Variants in ADGRG6 observed in about 807,000 individuals in gnomAD.
ADGRG6 encodes adhesion G protein-coupled receptor G6.
A neutral mutation model predicts 142.4 loss-of-function variants in ADGRG6; 84 were observed. The observed-to-expected ratio is 0.59, with a 90% CI of 0.49 to 0.71. The LOEUF is 0.71. Among genes scored for constraint, ADGRG6 ranks in the 30% least tolerant of loss-of-function variants. The pLI, the probability that ADGRG6 is intolerant of heterozygous loss-of-function variation, is 0.00. For synonymous variants in ADGRG6, 521 were observed against 520.5 expected, an observed-to-expected ratio of 1.00 and a Z score of -0.01; for missense variants, 1,367 against 1,466.6, an observed-to-expected ratio of 0.93 and a Z score of 1.11.
intron 24 of ADGRG6, 74 bp downstream of exon 24, chr6:142,438,438 GA>G (rs1461990412): frequency 1.0e-6 from 1 of 1,000,100 alleles, no homozygotes; most frequent in East Asian, 2.6e-5. Context: ...CATGAAGATT[GA>G]TAAATCACAG....
At position 142,409,931 on chromosome 6, in the gene ADGRG6, A is replaced by G; in HGVS notation, c.2434+12A>G. ...TCTGAACAAAAACAGTAAGTTTTAA[A>G]ATATTGGTTGTCTTAATATAGATAA... On this transcript the variant is annotated intron_variant, in intron 17 of 24. Transcript: ENST00000367609. The G allele has an allele frequency of 2.2e-6, 3 of 1,342,266 alleles. No individual in the cohort carries two copies. Among genetic ancestry groups the G allele is most frequent in the Non-Finnish European group, 2.1e-6 (2 of 953,490 alleles). 83.1% of individuals were successfully genotyped at this position (1,342,266 alleles called of 1,614,324 possible).
chr6:142,312,799 C>G (rs1361873778), intron 2 of ADGRG6, among the ~76,000 whole-genome samples: 1 of 152,080 alleles, frequency 6.6e-6, no homozygotes, highest in East Asian at 1.9e-4. Flanking sequence ...AGACGTTGTT[C>G]ACTGAAAGGG....
At chr6:142,426,283 A>G (rs774692381) in intron 22 of ADGRG6, among the ~76,000 whole-genome samples, 4 of 152,204 alleles carry the variant, frequency 2.6e-5, no homozygotes, top group East Asian at 1.9e-4. Context: ...GGGTACAGGC[A>G]TTGAGTAAAT....
intron 17 of ADGRG6, among the ~76,000 whole-genome samples, chr6:142,410,433 A>T (rs1776021501): frequency 6.6e-6 from 1 of 152,242 alleles, no homozygotes; most frequent in South Asian, 2.1e-4. Flanking sequence ...ATTAGATTTG[A>T]CAATCAAGAA....
chr6:142,386,845 C>T (rs1782053566), intron 6 of ADGRG6, among the ~76,000 whole-genome samples: 1 of 152,090 alleles, frequency 6.6e-6, no homozygotes. Context: ...AGGGCACACT[C>T]ACACACACCC....
At chr6:142,438,935 C>T (rs1261337506) in intron 24 of ADGRG6, among the ~76,000 whole-genome samples, 1 of 152,122 alleles carries the variant, frequency 6.6e-6, no homozygotes, top group Non-Finnish European at 1.5e-5. Context: ...TTTACAATTG[C>T]TGCACATTCT....
chr6:142,383,738 T>C, intron 5 of ADGRG6, 22 bp from the exon 6 acceptor site: 1 of 1,233,494 alleles, frequency 8.1e-7, no homozygotes, highest in Non-Finnish European at 1.2e-6. Flanking sequence ...CAAAATTACA[T>C]CTTTCTCATC....
intron 2 of ADGRG6, among the ~76,000 whole-genome samples, chr6:142,318,825 G>T (rs1056885855): frequency 1.4e-4 from 21 of 152,016 alleles, no homozygotes; most frequent in Non-Finnish European, 2.4e-4. Flanking sequence ...GCAGAAGAAG[G>T]TAGGGAATGA....
At chr6:142,326,155 A>G (rs530854685) in intron 2 of ADGRG6, among the ~76,000 whole-genome samples, 2 of 152,214 alleles carry the variant, frequency 1.3e-5, no homozygotes, top group South Asian at 2.1e-4. Context: ...GAGAGAGTTA[A>G]TAATAGTTTT....
At position 142,367,607 on chromosome 6, in the gene ADGRG6, C is replaced by G; in HGVS notation, c.142C>G (p.Pro48Ala). The G allele has an allele frequency of 6.2e-7, 1 of 1,613,720 alleles. No individual in the cohort carries two copies. The highest frequency in any genetic ancestry group is 8.5e-7 in the Non-Finnish European group (1 of 1,179,802). ...CAACTGCCGAGTGGTTTTGTCCAACCCTTCTGGGACCTTTACTTCTCCATG... is the reference window on the plus strand; with the variant it reads ...CAACTGCCGAGTGGTTTTGTCCAACGCTTCTGGGACCTTTACTTCTCCATG... ...CANCRVVLSNPSGTFTSPCYP... is the reference protein window; with the variant it reads ...CANCRVVLSNASGTFTSPCYP... Residue 48 changes from proline (P) to alanine (A), a missense_variant, in exon 3 of 25, where the codon CCT (proline) becomes GCT (alanine). Coordinates refer to ENST00000367609, the MANE Select transcript of ADGRG6 (RefSeq NM_198569.3).
chr6:142,379,430 T>C (rs188279560), intron 4 of ADGRG6, among the ~76,000 whole-genome samples: 32 of 152,332 alleles, frequency 2.1e-4, no homozygotes, highest in African/African-American at 7.5e-4. Context: ...AAATGAAATA[T>C]AGTTTACTTG....
rs575631097 is a variant in ADGRG6 at position 142,341,583 on chromosome 6, TATA to T, written c.104-25982_104-25980del. Among the ~76,000 whole-genome samples, 928 of 124,468 alleles carry T rather than the reference TATA, an allele frequency of 7.5e-3. 9 individuals carry two copies. The highest frequency in any genetic ancestry group is 0.026 in the African/African-American group (830 of 32,352). 81.7% of individuals were successfully genotyped at this position (124,468 alleles called of 152,430 possible). On this transcript the variant is annotated intron_variant, in intron 2 of 24. Coordinates refer to ENST00000367609, the MANE Select transcript of ADGRG6 (RefSeq NM_198569.3). ...ATACTATATAATATTATGTAGTATA[TATA>T]ATATTATATATTATATATACTATAT...
At position 142,403,921 on chromosome 6, in the gene ADGRG6, C is replaced by T. The variant is rs776426124; in HGVS notation, c.2075C>T (p.Ala692Val). 1.6e-5 allele frequency: 25 copies of T among 1,610,220 alleles called. No individual in the cohort carries two copies. The highest frequency in any genetic ancestry group is 2.2e-5 in the South Asian group (2 of 90,824). Residue 692 changes from alanine to valine, a missense_variant, in exon 14 of 25, where the codon GCA (alanine) becomes GTA (valine). Coordinates refer to ENST00000367609, the MANE Select transcript of ADGRG6 (RefSeq NM_198569.3). ...TCATCCCTGTTACCAGGGACAAATG[C>T]AATTTCAAATTTTAGCATTGGTCTT... ...SVSSLLPGTN[A>V]ISNFSIGLPS... is the part of the protein sequence containing the mutation.
intron 16 of ADGRG6, 33 bp from the exon 17 acceptor site, chr6:142,409,841 C>T: frequency 9.3e-7 from 1 of 1,075,212 alleles, no homozygotes; most frequent in Non-Finnish European, 1.4e-6. Context: ...ATTTTAAACA[C>T]AATTTCACAT....
intron 24 of ADGRG6, chr6:142,440,984 A>T: frequency 8.0e-7 from 1 of 1,253,358 alleles, no homozygotes; most frequent in Non-Finnish European, 1.1e-6. Flanking sequence ...TGAATGCATG[A>T]ATTTTTTGCA....
chr6:142,363,265 A>C (rs1780802218), intron 2 of ADGRG6, among the ~76,000 whole-genome samples: 1 of 152,154 alleles, frequency 6.6e-6, no homozygotes, highest in African/African-American at 2.4e-5. Flanking sequence ...AGAGATTTTA[A>C]AGAATAGGCA....
At chr6:142,413,434 A>G (rs1776196064) in intron 18 of ADGRG6, among the ~76,000 whole-genome samples, 1 of 152,198 alleles carries the variant, frequency 6.6e-6, no homozygotes, top group Non-Finnish European at 1.5e-5. Context: ...TATTGGCTAT[A>G]TCATAAAAGT....
intron 2 of ADGRG6, among the ~76,000 whole-genome samples, chr6:142,319,951 G>A (rs975138438): frequency 2.0e-5 from 3 of 152,100 alleles, no homozygotes; most frequent in African/African-American, 7.2e-5. Context: ...AGAAAAAGAT[G>A]TAGTTCATTG....
intron 2 of ADGRG6, among the ~76,000 whole-genome samples, chr6:142,333,613 A>G (rs753108860): frequency 6.6e-5 from 10 of 152,106 alleles, no homozygotes; most frequent in Non-Finnish European, 8.8e-5. Context: ...GCCACCAAAA[A>G]TGCTGGGATT....
Sources: gnomAD v4.1 joint callset for allele counts (sites outside exome capture counted in the v4.1 genomes callset) on GRCh38, gnomAD v4.1.1 for gene constraint, MANE v1.5 for transcripts, NCBI Gene and HGNC (gene_info 2026-07-23, HGNC 2026-07-21) for gene names.